Variants in WDR35 observed in about 807,000 individuals in gnomAD.
WDR35 encodes WD repeat-containing protein 35.
In WDR35, 118 loss-of-function variants were observed where a neutral mutation model predicts 158.3. That is an observed-to-expected ratio of 0.75 (90% CI 0.64 to 0.87). WDR35 has a LOEUF of 0.87. WDR35 is among the 40% of genes least tolerant of loss of function. The probability of loss-of-function intolerance (pLI) is 0.00; values close to 1 mark genes in which losing one functional copy is unlikely to be tolerated. For missense variants in WDR35, 1,263 were observed against 1,405.8 expected, an observed-to-expected ratio of 0.90 and a Z score of 1.62; for synonymous variants, 448 against 476.1, an observed-to-expected ratio of 0.94 and a Z score of 0.77.
chr2:19,938,321 C>A lies in WDR35; in HGVS notation c.2007G>T (p.Lys669Asn). The change falls in exon 18 of 27, where the codon AAG becomes AAT. Residue 669 changes from lysine (K) to asparagine (N), a missense_variant. By Grantham distance (94) the Lys-to-Asn change is moderately conservative. Transcript: ENST00000281405. The part of the protein sequence containing the change: ...SLRDSRALIE[K>N]VGIKDASQFI... ...ACTGAGATGCATCTTTAATTCCAAC[C>A]TTCTCAATCAGTGCTCGGCTATCTC... 1.2e-6 allele frequency: 2 copies of A among 1,613,982 alleles called. No individual in the cohort carries two copies. The highest frequency in any genetic ancestry group is 1.6e-4 in the Middle Eastern group (1 of 6,062).
intron 11 of WDR35, 113 bp from the exon 12 acceptor site, chr2:19,954,091 C>G (rs780343127): frequency 8.5e-5 from 101 of 1,190,292 alleles, no homozygotes; most frequent in Non-Finnish European, 1.1e-4. Flanking sequence ...AGACAATATA[C>G]CCCCACATAG....
intron 15 of WDR35, 74 bp from the exon 16 acceptor site, chr2:19,946,070 T>C (rs956772142): frequency 8.5e-5 from 121 of 1,426,906 alleles, no homozygotes; most frequent in Non-Finnish European, 1.1e-4. Context: ...TAATTACCTA[T>C]AGCCATTCTT....
chr2:19,936,397 T>C (rs1670698440), intron 19 of WDR35, 32 bp from the exon 20 acceptor site: 1 of 1,613,490 alleles, frequency 6.2e-7, no homozygotes, highest in South Asian at 1.1e-5. Context: ...CATTCATTCA[T>C]CTATTTGACA....
chr2:19,982,471 C>T lies in WDR35; in HGVS notation c.206G>A (p.Gly69Asp), dbSNP rs765513105. 5.6e-6 allele frequency: 9 copies of T among 1,613,742 alleles called. No homozygotes were observed. Among genetic ancestry groups the T allele is most frequent in the Non-Finnish European group, 7.6e-6 (9 of 1,179,828 alleles). Reference sequence around the variant, plus strand: ...GAAATTGAATGACTCACCACTATGACCTTCAAGAGTCTGATTCATAGAAAG... The same window carrying T: ...GAAATTGAATGACTCACCACTATGATCTTCAAGAGTCTGATTCATAGAAAG... ...SNLSMNQTLE[G>D]HSGSVQVVTW... Residue 69 changes from glycine (G) to aspartate (D), a missense_variant, in exon 3 of 27, where the codon GGT becomes GAT. Physicochemically the swap from Gly to Asp is moderately conservative, Grantham distance 94. Coordinates refer to ENST00000281405, the MANE Select transcript of WDR35 (RefSeq NM_020779.4).
At chr2:19,915,899 C>T (rs1009711654) in intron 25 of WDR35, among the ~76,000 whole-genome samples, 1 of 140,500 alleles carries the variant, frequency 7.1e-6, no homozygotes, top group African/African-American at 2.7e-5. Flanking sequence ...CTAGCCAGGG[C>T]AACAGAGCGA....
intron 13 of WDR35, among the ~76,000 whole-genome samples, chr2:19,949,423 T>C (rs1470842362): frequency 6.6e-6 from 1 of 152,198 alleles, no homozygotes; most frequent in African/African-American, 2.4e-5. Flanking sequence ...GCCAGAAGTA[T>C]AATAAATGGA....
chr2:19,937,648 T>G (rs1670740057), intron 19 of WDR35, 95 bp downstream of exon 19: 5 of 1,502,894 alleles, frequency 3.3e-6, no homozygotes, highest in Admixed American at 3.4e-5. Context: ...AAAGGAACCA[T>G]ATGATACACC....
chr2:19,961,526 G>A (rs1281665490), intron 10 of WDR35, among the ~76,000 whole-genome samples: 1 of 152,080 alleles, frequency 6.6e-6, no homozygotes, highest in Non-Finnish European at 1.5e-5. Context: ...TCAAACAGGT[G>A]GTATCAAGAA....
At chr2:19,974,294 A>C (rs913392365) in intron 7 of WDR35, among the ~76,000 whole-genome samples, 174 bp downstream of exon 7, 1 of 152,014 alleles carries the variant, frequency 6.6e-6, no homozygotes, top group Non-Finnish European at 1.5e-5. Flanking sequence ...CTGTAGTCCC[A>C]GCTACTCGGG....
At chr2:19,963,805 C>T (rs1435298579) in intron 10 of WDR35, among the ~76,000 whole-genome samples, 3 of 151,992 alleles carry the variant, frequency 2.0e-5, no homozygotes, top group African/African-American at 7.2e-5. Flanking sequence ...AGTGCAGTGG[C>T]ACATCTCGGC....
intron 11 of WDR35, among the ~76,000 whole-genome samples, chr2:19,955,610 C>T (rs1671403375): frequency 1.3e-5 from 2 of 152,160 alleles, no homozygotes; most frequent in South Asian, 4.1e-4. Context: ...GATTATACTA[C>T]CTGTTTTCTA....
chr2:19,921,601 G>A (rs1019620523), intron 25 of WDR35, among the ~76,000 whole-genome samples: 5 of 152,100 alleles, frequency 3.3e-5, no homozygotes, highest in South Asian at 2.1e-4. Context: ...AGACTTAAAC[G>A]TAAGACCTAA....
intron 3 of WDR35, among the ~76,000 whole-genome samples, chr2:19,982,243 G>T (rs1218007716): frequency 6.6e-6 from 1 of 152,182 alleles, no homozygotes; most frequent in African/African-American, 2.4e-5. Context: ...CATATTTAAG[G>T]TAAGCTAGGC....
intron 14 of WDR35, among the ~76,000 whole-genome samples, chr2:19,947,117 A>T (rs1480681295): frequency 2.0e-5 from 3 of 152,226 alleles, no homozygotes; most frequent in African/African-American, 7.2e-5. Context: ...AAAGCAGCAT[A>T]TAATTTTGTA....
At chr2:19,954,684 G>A (rs908558144) in intron 11 of WDR35, among the ~76,000 whole-genome samples, 1 of 152,152 alleles carries the variant, frequency 6.6e-6, no homozygotes, top group African/African-American at 2.4e-5. Context: ...GTGTTAGCAA[G>A]GTTATGGAGA....
chr2:19,985,873 G>A (rs1399718954), intron 2 of WDR35, among the ~76,000 whole-genome samples: 19 of 142,936 alleles, frequency 1.3e-4, no homozygotes, highest in African/African-American at 4.8e-4. Context: ...CTCCAGCCTG[G>A]GCAACAGAGT....
At chr2:19,963,279 C>A (rs1268369746) in intron 10 of WDR35, among the ~76,000 whole-genome samples, 3 of 152,148 alleles carry the variant, frequency 2.0e-5, no homozygotes, top group South Asian at 4.1e-4. Context: ...ATCATTTTGA[C>A]TATGTAAATG....
chr2:19,913,729 A>G (rs1243014247), intron 26 of WDR35, 21 bp from the exon 27 acceptor site: 12 of 1,614,024 alleles, frequency 7.4e-6, no homozygotes, highest in Non-Finnish European at 9.3e-6. Context: ...GGGAGAAACA[A>G]TTCATTATAC....
At chr2:19,978,273 C>A (rs1672273202) in intron 5 of WDR35, among the ~76,000 whole-genome samples, 1 of 152,024 alleles carries the variant, frequency 6.6e-6, no homozygotes, top group African/African-American at 2.4e-5. Context: ...TATTTATCTA[C>A]AGAGTTTCAA....
Sources: gnomAD v4.1 joint callset for allele counts (sites outside exome capture counted in the v4.1 genomes callset) on GRCh38, gnomAD v4.1.1 for gene constraint, MANE v1.5 for transcripts, NCBI Gene and HGNC (gene_info 2026-07-23, HGNC 2026-07-21) for gene names.